Variants in RERE observed in about 807,000 individuals in gnomAD.
RERE encodes the protein arginine-glutamic acid dipeptide repeats.
In RERE, 40 loss-of-function variants were observed where a neutral mutation model predicts 146.1. The ratio of observed to expected loss-of-function variants is 0.27; its 90% CI spans 0.21 to 0.36. The LOEUF (loss-of-function observed/expected upper bound fraction) is 0.36, where lower values mean the gene tolerates loss of function less well. Among genes scored for constraint, RERE ranks in the 10% least tolerant of loss-of-function variants. RERE has a pLI of 1.00. For synonymous variants in RERE, 1,003 were observed against 866.0 expected, an observed-to-expected ratio of 1.16 and a Z score of -2.78; for missense variants, 1,933 against 2,138.7, an observed-to-expected ratio of 0.90 and a Z score of 1.90.
chr1:8,360,731 G>A lies in RERE; in HGVS notation c.2776C>T (p.Pro926Ser). 1.3e-6 allele frequency: 2 copies of A among 1,595,298 alleles called. No individual in the cohort carries two copies. Among genetic ancestry groups the A allele is most frequent in the South Asian group, 1.1e-5 (1 of 88,996 alleles). The part of the protein sequence containing the change: ...QPLPPAPLAM[P>S]HIKPPPTTPI... ...GTGGTAGGCGGGGGCTTGATGTGGGGCATGGCCAAGGGCGCTGGTGGCAGG... is the reference window on the plus strand; with the variant it reads ...GTGGTAGGCGGGGGCTTGATGTGGGACATGGCCAAGGGCGCTGGTGGCAGG... Residue 926 changes from proline to serine, a missense_variant, in exon 18 of 23, where the codon CCC becomes TCC. By Grantham distance (74) the Pro-to-Ser change is moderately conservative. Around this residue, in one of 11 missense-constraint regions of RERE, gnomAD observed 1,255 missense variants for 1,153.8 expected, o/e 1.09. Transcript: ENST00000400908.
rs531711997 is a variant in RERE, at chr1:8,651,736, A to G, written c.325+4237T>C. Among the ~76,000 whole-genome samples the G allele has an allele frequency of 8.5e-5, 13 of 152,160 alleles. No homozygotes were observed. The South Asian group carries it at 2.5e-3, about 29-fold the overall frequency. On this transcript the variant is annotated intron_variant, in intron 2 of 22. Coordinates refer to ENST00000400908, the MANE Select transcript of RERE (RefSeq NM_001042681.2). ...TACCCTGTCTCAAAAGAAAAAAAAAAAAAATCAGGAAACAAAACAAAGGAA... is the reference window on the plus strand; with the variant it reads ...TACCCTGTCTCAAAAGAAAAAAAAAGAAAATCAGGAAACAAAACAAAGGAA...
At chr1:8,618,509 C>A (rs1002852133) in intron 3 of RERE, among the ~76,000 whole-genome samples, 3 of 152,074 alleles carry the variant, frequency 2.0e-5, no homozygotes, top group Non-Finnish European at 4.4e-5. Context: ...ACCTTCCTGC[C>A]CACCCCCCAA....
intron 1 of RERE, among the ~76,000 whole-genome samples, chr1:8,737,506 G>T (rs1405671520): frequency 6.6e-6 from 1 of 152,020 alleles, no homozygotes; most frequent in African/African-American, 2.4e-5. Flanking sequence ...TCGAACCTTT[G>T]AAAAACAATT....
At chr1:8,791,484 A>G (rs981894039) in intron 1 of RERE, among the ~76,000 whole-genome samples, 5 of 152,254 alleles carry the variant, frequency 3.3e-5, no homozygotes, top group Non-Finnish European at 7.3e-5. Context: ...AAATTCTGCC[A>G]AATGAATGGG....
At chr1:8,355,343 T>A in intron 22 of RERE, 76 bp downstream of exon 22, 1 of 1,498,846 alleles carries the variant, frequency 6.7e-7, no homozygotes, top group Non-Finnish European at 9.1e-7. Flanking sequence ...GGGAGGAGCC[T>A]GGCCCTGGGC....
chr1:8,358,631 G>A lies in RERE; in HGVS notation c.3904C>T (p.Arg1302Trp). 2 of 1,587,360 alleles carry A rather than the reference G, an allele frequency of 1.3e-6. No homozygotes were observed. Among genetic ancestry groups the A allele is most frequent in the Non-Finnish European group, 1.7e-6 (2 of 1,167,386 alleles). ...LYNVDPTIRE[R>W]ELREREIRER... ...CGGATCTCCCGCTCCCGGAGCTCCC[G>A]CTCGCGGATGGTGGGGTCGACGTTG... is the stretch of plus-strand genomic sequence containing the variant. The change falls in exon 20 of 23, where the codon CGG (arginine) becomes TGG (tryptophan). Residue 1302 changes from arginine to tryptophan, a missense_variant. Arg to Trp is a moderately radical substitution (Grantham distance 101, BLOSUM62 -3). Around this residue, in one of 11 missense-constraint regions of RERE, gnomAD observed 1,255 missense variants for 1,153.8 expected, o/e 1.09. Transcript: ENST00000400908.
chr1:8,649,381 CAAT>C (rs1339325341), intron 2 of RERE, among the ~76,000 whole-genome samples: 1 of 152,146 alleles, frequency 6.6e-6, no homozygotes, highest in East Asian at 1.9e-4. Flanking sequence ...TTAACATCAT[CAAT>C]GAGTCAATAA....
chr1:8,739,394 G>C (rs1348408794), intron 1 of RERE, among the ~76,000 whole-genome samples: 1 of 152,144 alleles, frequency 6.6e-6, no homozygotes, highest in African/African-American at 2.4e-5. Context: ...GTGGGAGAGT[G>C]TCTCAGTGGA....
chr1:8,423,764 C>T lies in RERE; in HGVS notation c.1204-957G>A, dbSNP rs1643956467. On this transcript the variant is annotated intron_variant, in intron 11 of 22. Transcript: ENST00000400908. This position sits in a 1 kb window ranked among gnomAD's most constrained non-coding sequence, Gnocchi z 5.4. ...CCGGGGGGCGCGGGGCTGGGGCCGC[C>T]GCTGACGGGGGAGGAGGCAGGAGCG... The T allele has an allele frequency of 2.3e-6, 2 of 864,088 alleles. No individual in the cohort carries two copies. The highest frequency in any genetic ancestry group is 1.8e-5 in the African/African-American group (1 of 54,192). 53.5% of individuals were successfully genotyped at this position (864,088 alleles called of 1,614,324 possible). A position where few individuals can be genotyped will look rare whatever the true frequency, so the allele number is the denominator to read the frequency against.
At chr1:8,503,994 A>T (rs1371919620) in intron 8 of RERE, among the ~76,000 whole-genome samples, 2 of 152,244 alleles carry the variant, frequency 1.3e-5, no homozygotes, top group African/African-American at 4.8e-5. Flanking sequence ...TATACATAAA[A>T]GAAGGACAGA....
chr1:8,727,113 T>A (rs1639984921), intron 1 of RERE, among the ~76,000 whole-genome samples: 1 of 150,452 alleles, frequency 6.6e-6, no homozygotes, highest in Non-Finnish European at 1.5e-5. Context: ...CCAACTGACC[T>A]TTTTTCAGTG....
chr1:8,577,614 A>C (rs1646312151), intron 4 of RERE, among the ~76,000 whole-genome samples: 1 of 152,230 alleles, frequency 6.6e-6, no homozygotes, highest in Non-Finnish European at 1.5e-5. Context: ...TTGAGCTTAA[A>C]AATGCTCACA....
intron 1 of RERE, among the ~76,000 whole-genome samples, chr1:8,689,942 G>A (rs1639174615): frequency 1.3e-5 from 2 of 152,136 alleles, no homozygotes; most frequent in Admixed American, 1.3e-4. Flanking sequence ...GATGGAACTA[G>A]AGGCCAGTAA....
At chr1:8,626,067 T>G (rs940089967) in intron 2 of RERE, among the ~76,000 whole-genome samples, 6 of 152,220 alleles carry the variant, frequency 3.9e-5, no homozygotes, top group Non-Finnish European at 8.8e-5. Flanking sequence ...ATAACTGTGC[T>G]TCAGCATTCA....
At chr1:8,413,952 G>A (rs2661862) in intron 12 of RERE, among the ~76,000 whole-genome samples, 2 of 151,042 alleles carry the variant, frequency 1.3e-5, no homozygotes, top group African/African-American at 2.4e-5. Context: ...CCATTCGGGA[G>A]GAAGAGGGAG....
chr1:8,554,470 T>C (rs1240693787), intron 6 of RERE, among the ~76,000 whole-genome samples: 2 of 151,860 alleles, frequency 1.3e-5, no homozygotes, highest in South Asian at 4.2e-4. Context: ...GTGGATTGCT[T>C]AAGTTTAGGA....
chr1:8,422,407 CTA>C (rs1643922945), intron 12 of RERE, among the ~76,000 whole-genome samples: 1 of 152,222 alleles, frequency 6.6e-6, no homozygotes, highest in Non-Finnish European at 1.5e-5. Flanking sequence ...ATTCCAGCCA[CTA>C]TGTTTAAAAT....
At chr1:8,787,502 C>T (rs906948483) in intron 1 of RERE, among the ~76,000 whole-genome samples, 4 of 152,074 alleles carry the variant, frequency 2.6e-5, no homozygotes, top group African/African-American at 9.6e-5. Context: ...AAGTTAAACA[C>T]AATATATAAA....
At chr1:8,443,389 G>A (rs1644275614) in intron 11 of RERE, among the ~76,000 whole-genome samples, 1 of 143,454 alleles carries the variant, frequency 7.0e-6, no homozygotes, top group African/African-American at 2.6e-5. Context: ...CTGAACCCAA[G>A]AGGCAGAGGT....
Sources: allele counts gnomAD v4.1 joint callset (sites outside exome capture counted in the v4.1 genomes callset), GRCh38; gene constraint gnomAD v4.1.1; regional missense constraint gnomAD v4.1.1; non-coding constraint Gnocchi (gnomAD v3.1); transcripts MANE v1.5; gene names NCBI Gene and HGNC (gene_info 2026-07-23, HGNC 2026-07-21).